The following NRK variants were observed in gnomAD, a reference collection of about 807,000 sequenced individuals.
NRK encodes the protein Nik related kinase.
NRK carries 67 observed loss-of-function variants against 125.2 expected under a neutral mutation model. That is an observed-to-expected ratio of 0.54 (90% CI 0.44 to 0.66). NRK has a LOEUF of 0.66. Ranked by LOEUF, NRK falls within the 30% of genes least tolerant of loss-of-function variation. The pLI is 0.00. For synonymous variants in NRK, 458 were observed against 429.0 expected (o/e 1.07, Z -0.84); for missense variants, 1,224 against 1,192.9 (o/e 1.03, Z -0.38).
In NRK at chrX:105,883,216, G is replaced by A. The variant is rs146146034; in HGVS notation, c.252+1437G>A. 2.6e-3 allele frequency among the ~76,000 whole-genome samples: 291 copies of A among 112,578 alleles called. 7 individuals are homozygous for A. The East Asian group carries it at 0.063, about 24-fold the overall frequency. The stretch of plus-strand genomic sequence containing the variant: ...AATTCAGAGTGGCAAACACACTAAC[G>A]CTTCCCAAACATATCTGATCTTCAT... On this transcript the variant is annotated intron_variant, in intron 4 of 28. Transcript: ENST00000243300.
chrX:105,896,288 C>T (rs1034990887), intron 7 of NRK, among the ~76,000 whole-genome samples: 3 of 111,513 alleles, frequency 2.7e-5, no homozygotes, highest in Non-Finnish European at 5.7e-5. Flanking sequence ...GAGGATAAGT[C>T]ACTTGCATTA....
At chrX:105,903,191 A>G (rs766681019) in intron 9 of NRK, among the ~76,000 whole-genome samples, 1 of 111,432 alleles carries the variant, frequency 9.0e-6, no homozygotes, top group African/African-American at 3.3e-5. Flanking sequence ...CTTTCTTGGC[A>G]AAGCTGTACA....
intron 2 of NRK, among the ~76,000 whole-genome samples, chrX:105,869,978 C>T (rs1032183530): frequency 1.3e-4 from 14 of 110,834 alleles, no homozygotes; most frequent in African/African-American, 4.3e-4. Context: ...TGTTTGCTTA[C>T]GGAGGGTTTT....
intron 4 of NRK, among the ~76,000 whole-genome samples, chrX:105,886,033 T>C (rs2039938965): frequency 9.1e-6 from 1 of 110,426 alleles, no homozygotes; most frequent in African/African-American, 3.3e-5. Flanking sequence ...GTAGGTGTTT[T>C]TTTCTGACTG....
intron 14 of NRK, among the ~76,000 whole-genome samples, chrX:105,915,404 AGACGT>A (rs1200949609): frequency 7.2e-5 from 8 of 111,174 alleles, no homozygotes; most frequent in Admixed American, 6.7e-4. Context: ...TTCTGATTTT[AGACGT>A]TCCTTTCACT....
chrX:105,916,000 C>G (rs753804767), intron 15 of NRK, among the ~76,000 whole-genome samples: 6 of 111,104 alleles, frequency 5.4e-5, no homozygotes, highest in Non-Finnish European at 9.5e-5. Context: ...ATACTGCAGT[C>G]TCTGTGATAT....
chrX:105,830,998 G>A lies in NRK; in HGVS notation c.58-56G>A. On this transcript the variant is annotated intron_variant, in intron 1 of 28. Coordinates refer to ENST00000243300, the MANE Select transcript of NRK (RefSeq NM_198465.4). ...TATATATATTAAAAAAAAGATAGTT[G>A]AATGCTCACCTAATTTCCTAAGAAG... 5.6e-6 allele frequency: 4 copies of A among 710,258 alleles called. No individual in the cohort carries two copies. The South Asian group carries it at 9.2e-5, about 16-fold the overall frequency. 58.5% of individuals were successfully genotyped at this position (710,258 alleles called of 1,213,427 possible).
Position 105,946,023 on chromosome X carries a change from A to G in NRK, c.4203+8A>G. ...CATTTGCTGAAGCTCAAGGCAAGGA[A>G]CTTGAAGACAGCAAACAGAATGCAG... is the stretch of plus-strand genomic sequence containing the variant. On this transcript the variant is annotated splice_region_variant and intron_variant, in intron 25 of 28. Coordinates refer to ENST00000243300, the MANE Select transcript of NRK (RefSeq NM_198465.4). The G allele has an allele frequency of 8.3e-7, 1 of 1,203,464 alleles. No homozygotes were observed. The highest frequency in any genetic ancestry group is 1.1e-6 in the Non-Finnish European group (1 of 889,767).
chrX:105,950,227 G>A (rs1442951506), intron 27 of NRK, among the ~76,000 whole-genome samples: 1 of 111,183 alleles, frequency 9.0e-6, no homozygotes, highest in East Asian at 2.8e-4. Context: ...TGACAGATAT[G>A]ACTGACTGGA....
At chrX:105,922,790 AG>A (rs2040469715) in intron 17 of NRK, among the ~76,000 whole-genome samples, 1 of 111,666 alleles carries the variant, frequency 9.0e-6, no homozygotes, top group Non-Finnish European at 1.9e-5. Context: ...ATAAAACAAA[AG>A]GGAAAAGTTA....
At chrX:105,828,848 A>G (rs1484149397) in intron 1 of NRK, among the ~76,000 whole-genome samples, 2 of 112,092 alleles carry the variant, frequency 1.8e-5, no homozygotes, top group Non-Finnish European at 3.8e-5. Context: ...CTTAGATCCT[A>G]AAAATTATCA....
At chrX:105,844,646 C>T (rs1807824350) in intron 2 of NRK, among the ~76,000 whole-genome samples, 1 of 111,318 alleles carries the variant, frequency 9.0e-6, no homozygotes, top group South Asian at 3.8e-4. Context: ...AGATAAACCT[C>T]CCCCCATTTC....
chrX:105,893,870 T>C lies in NRK; in HGVS notation c.417T>C (p.Asp139=). Residue 139 remains aspartate, a synonymous_variant, in exon 6 of 29, where the codon GAT becomes GAC. Transcript: ENST00000243300. ...MELCAAGSVT[D]VVRMTSNQSL... ...TATGTGCAGCAGGTTCGGTCACTGA[T>C]GTAGTGAGAATGACCAGTAATCAGA... 8.3e-7 allele frequency: 1 copy of C among 1,201,175 alleles called. No individual in the cohort carries two copies. Among genetic ancestry groups the C allele is most frequent in the Non-Finnish European group, 1.1e-6 (1 of 886,051 alleles).
Position 105,934,300 on chromosome X carries a change from G to A in NRK, c.3355G>A (p.Gly1119Ser). 1 of 1,186,123 alleles carries A rather than the reference G, an allele frequency of 8.4e-7. No individual in the cohort carries two copies. The highest frequency in any genetic ancestry group is 1.1e-6 in the Non-Finnish European group (1 of 881,716). The change falls in exon 20 of 29, where the codon GGT becomes AGT. Residue 1119 changes from glycine (G) to serine (S), a missense_variant. By Grantham distance (56) the Gly-to-Ser change is moderately conservative (BLOSUM62 0). Transcript: ENST00000243300. ...TGAGGCCTCAAATGCCATTGACTCA[G>A]GTGCTGCACCGTCAGCACCTGATCA... is the stretch of plus-strand genomic sequence containing the variant. ...GNEASNAIDSGAAPSAPDHES... is the reference protein window; with the variant it reads ...GNEASNAIDSSAAPSAPDHES...
At chrX:105,849,467 C>G (rs1279082910) in intron 2 of NRK, among the ~76,000 whole-genome samples, 1 of 111,463 alleles carries the variant, frequency 9.0e-6, no homozygotes, top group Non-Finnish European at 1.9e-5. Context: ...GCCTTCCCAA[C>G]AGTCCCGCAT....
upstream of NRK, among the ~76,000 whole-genome samples, chrX:105,822,229 G>A (rs908420961): frequency 1.0e-4 from 11 of 110,465 alleles, no homozygotes; most frequent in Non-Finnish European, 2.1e-4. Flanking sequence ...GGTTTTCCGG[G>A]GCTGGCAGCT....
chrX:105,926,304 G>T (rs1341006593), intron 19 of NRK, among the ~76,000 whole-genome samples: 2 of 111,292 alleles, frequency 1.8e-5, no homozygotes, highest in African/African-American at 6.5e-5. Flanking sequence ...TAAGTTCTAG[G>T]GTACATGTGC....
In NRK at chrX:105,935,243, T is replaced by C; in HGVS notation, c.3573T>C (p.Tyr1191=). The C allele has an allele frequency of 8.4e-7, 1 of 1,188,842 alleles. No homozygotes were observed. Among genetic ancestry groups the C allele is most frequent in the Middle Eastern group, 2.3e-4 (1 of 4,305 alleles). Residue 1191 remains tyrosine (Y), a synonymous_variant, in exon 21 of 29, where the codon TAT becomes TAC. Transcript: ENST00000243300. ...QPSEVNVNPL[Y]VSPACKKPLI... ...CTGAAGTCAATGTTAACCCACTCTATGTCTCTCCTGCATGTAAAAAACCAC... is the reference window on the plus strand; with the variant it reads ...CTGAAGTCAATGTTAACCCACTCTACGTCTCTCCTGCATGTAAAAAACCAC...
chrX:105,866,234 A>G (rs1018508299), intron 2 of NRK, among the ~76,000 whole-genome samples: 1 of 111,338 alleles, frequency 9.0e-6, no homozygotes, highest in South Asian at 3.7e-4. Flanking sequence ...AGCTAAATTG[A>G]TAGAATTACA....
Sources: allele counts gnomAD v4.1 joint callset (sites outside exome capture counted in the v4.1 genomes callset), GRCh38; gene constraint gnomAD v4.1.1; transcripts MANE v1.5; gene names NCBI Gene and HGNC (gene_info 2026-07-23, HGNC 2026-07-21).